The following SUCLG2 variants were observed in gnomAD, a reference collection of about 807,000 sequenced individuals.
SUCLG2 encodes succinate--CoA ligase [GDP-forming] subunit beta, mitochondrial.
In SUCLG2, 42 loss-of-function variants were observed where a neutral mutation model predicts 47.9. That is an observed-to-expected ratio of 0.88 (90% CI 0.69 to 1.14). The LOEUF (loss-of-function observed/expected upper bound fraction) is 1.14. SUCLG2 is among the 50% of genes most tolerant of loss of function. The pLI is 0.00. For missense variants in SUCLG2, 571 were observed against 525.9 expected, an observed-to-expected ratio of 1.09 and a Z score of -0.84; for synonymous variants, 195 against 197.3, an observed-to-expected ratio of 0.99 and a Z score of 0.10.
At chr3:67,594,809 T>G (rs1195091487) in intron 2 of SUCLG2, among the ~76,000 whole-genome samples, 1 of 152,234 alleles carries the variant, frequency 6.6e-6, no homozygotes, top group Non-Finnish European at 1.5e-5. Flanking sequence ...AAGCTATAGA[T>G]GACTTTTAGC....
At chr3:67,638,606 C>T (rs1701046964) in intron 1 of SUCLG2, among the ~76,000 whole-genome samples, 1 of 152,192 alleles carries the variant, frequency 6.6e-6, no homozygotes, top group Non-Finnish European at 1.5e-5. Flanking sequence ...TTTGGAATTA[C>T]TGGTCATCAA....
At chr3:67,616,154 C>G (rs1700624861) in intron 1 of SUCLG2, among the ~76,000 whole-genome samples, 1 of 151,930 alleles carries the variant, frequency 6.6e-6, no homozygotes, top group Non-Finnish European at 1.5e-5. Context: ...TGAGATTAGG[C>G]TGGATTATAA....
At chr3:67,424,748 T>C (rs1265367107) in intron 9 of SUCLG2, among the ~76,000 whole-genome samples, 2 of 152,154 alleles carry the variant, frequency 1.3e-5, no homozygotes, top group African/African-American at 2.4e-5. Context: ...TTCTCACTAC[T>C]GCTGCTTGAT....
intron 9 of SUCLG2, chr3:67,408,714 A>G: frequency 8.0e-7 from 1 of 1,244,858 alleles, no homozygotes; most frequent in Non-Finnish European, 1.0e-6. Flanking sequence ...GAATAAGCAA[A>G]ACTGTATGGA....
chr3:67,545,887 C>A (rs528221853), intron 2 of SUCLG2, among the ~76,000 whole-genome samples: 1 of 152,278 alleles, frequency 6.6e-6, no homozygotes, highest in East Asian at 1.9e-4. Flanking sequence ...AAATTCTACC[C>A]TCCATTACAC....
At chr3:67,481,979 G>C (rs1704930881) in intron 9 of SUCLG2, among the ~76,000 whole-genome samples, 1 of 152,208 alleles carries the variant, frequency 6.6e-6, no homozygotes. Flanking sequence ...AGGAGTTTGA[G>C]ACCAGCCTGG....
chr3:67,532,505 T>C (rs1457732604), intron 2 of SUCLG2, among the ~76,000 whole-genome samples: 1 of 152,218 alleles, frequency 6.6e-6, no homozygotes, highest in East Asian at 1.9e-4. Flanking sequence ...TGGGTCTGGA[T>C]AACTCCAAAG....
At chr3:67,613,202 T>G (rs1307348669) in intron 1 of SUCLG2, among the ~76,000 whole-genome samples, 1 of 152,164 alleles carries the variant, frequency 6.6e-6, no homozygotes, top group Non-Finnish European at 1.5e-5. Flanking sequence ...ACTGGGAGGA[T>G]GGAACCGAAA....
intron 2 of SUCLG2, among the ~76,000 whole-genome samples, chr3:67,581,542 T>G (rs1707877897): frequency 1.3e-5 from 2 of 152,240 alleles, no homozygotes; most frequent in African/African-American, 4.8e-5. Flanking sequence ...CAGTATTTAC[T>G]GAGCACTTTC....
chr3:67,588,974 G>A (rs1708091678), intron 2 of SUCLG2, among the ~76,000 whole-genome samples: 1 of 152,008 alleles, frequency 6.6e-6, no homozygotes, highest in Admixed American at 6.6e-5. Flanking sequence ...CCCCTTACAG[G>A]GTCTACAAGG....
intron 2 of SUCLG2, among the ~76,000 whole-genome samples, chr3:67,530,584 G>C (rs546344021): frequency 6.6e-6 from 1 of 152,330 alleles, no homozygotes; most frequent in African/African-American, 2.4e-5. Flanking sequence ...AGCTACAGAA[G>C]TATTTTACAG....
At chr3:67,534,768 C>CAAAAAAAAAAAAAAAAAAAAAAAAAAAA (rs60612549) in intron 2 of SUCLG2, among the ~76,000 whole-genome samples, 1 of 34,932 alleles carries the variant, frequency 2.9e-5, no homozygotes, top group African/African-American at 8.9e-5. Flanking sequence ...ACACTGATGG[C>CAAAAAAAAAAAAAAAAAAAAAAAAAAAA]AAAAAAAAAA....
At chr3:67,576,085 A>G (rs1461658785) in intron 2 of SUCLG2, among the ~76,000 whole-genome samples, 2 of 152,188 alleles carry the variant, frequency 1.3e-5, no homozygotes, top group African/African-American at 2.4e-5. Flanking sequence ...CTGAATGAAT[A>G]TATTGGAAAA....
rs544436993 is a variant in SUCLG2, at chr3:67,491,838, C to T, written c.1062+3960G>A. On this transcript the variant is annotated intron_variant, in intron 9 of 10. Transcript: ENST00000307227. ...ATTTTCCCTCTAAATGAAAAGTGTGCGTGTGTGTCTCAATATGTGTAATAA... is the reference window on the plus strand; with the variant it reads ...ATTTTCCCTCTAAATGAAAAGTGTGTGTGTGTGTCTCAATATGTGTAATAA... Among the ~76,000 whole-genome samples the T allele has an allele frequency of 9.2e-5, 14 of 152,204 alleles. No individual in the cohort carries two copies. In the East Asian group the frequency reaches 2.1e-3, roughly 23 times the overall value.
Position 67,654,414 on chromosome 3 carries a change from A to T in SUCLG2, c.84+89T>A, listed in dbSNP as rs1701347841. 9.3e-6 allele frequency: 10 copies of T among 1,076,258 alleles called. No individual in the cohort carries two copies. In the East Asian group the frequency reaches 3.2e-4, roughly 35 times the overall value. 66.7% of individuals were successfully genotyped at this position (1,076,258 alleles called of 1,614,324 possible). A position where few individuals can be genotyped will look rare whatever the true frequency, so the allele number is the denominator to read the frequency against. On this transcript the variant is annotated intron_variant, in intron 1 of 10. Coordinates refer to ENST00000307227, the MANE Select transcript of SUCLG2 (RefSeq NM_003848.4). ...CGCCCGAGGGGCCGCGCAGGGGGTC[A>T]GGCGGAGACCAAGAGTAGCAGGGGG...
At chr3:67,624,960 T>C (rs1700797733) in intron 1 of SUCLG2, among the ~76,000 whole-genome samples, 1 of 152,188 alleles carries the variant, frequency 6.6e-6, no homozygotes, top group African/African-American at 2.4e-5. Flanking sequence ...AAATAGACAA[T>C]CTGACACAGT....
At chr3:67,641,132 C>T (rs1701093712) in intron 1 of SUCLG2, among the ~76,000 whole-genome samples, 1 of 152,186 alleles carries the variant, frequency 6.6e-6, no homozygotes, top group Non-Finnish European at 1.5e-5. Context: ...TTCTAGAGCT[C>T]CTATTTGGGA....
At chr3:67,475,841 A>G (rs1704736856) in intron 9 of SUCLG2, among the ~76,000 whole-genome samples, 1 of 151,978 alleles carries the variant, frequency 6.6e-6, no homozygotes, top group Admixed American at 6.6e-5. Context: ...GTCATCAGCC[A>G]CCATGCCCAA....
chr3:67,513,752 T>C (rs1275988350), intron 6 of SUCLG2, among the ~76,000 whole-genome samples: 1 of 152,260 alleles, frequency 6.6e-6, no homozygotes, highest in Non-Finnish European at 1.5e-5. Flanking sequence ...AAAAAGTTTT[T>C]CTGCACTTTT....
Sources: gnomAD v4.1 joint callset for allele counts (sites outside exome capture counted in the v4.1 genomes callset) on GRCh38, gnomAD v4.1.1 for gene constraint, MANE v1.5 for transcripts, NCBI Gene and HGNC (gene_info 2026-07-23, HGNC 2026-07-21) for gene names.